Variants in NPHP3 observed in about 807,000 individuals in gnomAD.
NPHP3 encodes nephrocystin-3.
A neutral mutation model predicts 171.9 loss-of-function variants in NPHP3; 123 were observed. That is an observed-to-expected ratio of 0.72 (90% CI 0.62 to 0.83). NPHP3 has a LOEUF of 0.83. Ranked by LOEUF, NPHP3 falls within the 40% of genes least tolerant of loss-of-function variation. The pLI is 0.00. For missense variants in NPHP3, 1,506 were observed against 1,591.9 expected, an observed-to-expected ratio of 0.95 and a Z score of 0.92; for synonymous variants, 558 against 579.2, an observed-to-expected ratio of 0.96 and a Z score of 0.52.
chr3:132,705,009 A>C (rs1939708989), intron 8 of NPHP3, among the ~76,000 whole-genome samples: 1 of 152,068 alleles, frequency 6.6e-6, no homozygotes, highest in South Asian at 2.1e-4. Flanking sequence ...CTTTTTCTCT[A>C]ATAATAAATC....
Position 132,684,559 on chromosome 3 carries a change from T to C in NPHP3, c.3565A>G (p.Lys1189Glu), listed in dbSNP as rs2107963226. 1.2e-6 allele frequency: 2 copies of C among 1,613,988 alleles called. No homozygotes were observed. The highest frequency in any genetic ancestry group is 2.7e-5 in the African/African-American group (2 of 75,056). The change falls in exon 24 of 27, where the codon AAA becomes GAA. Residue 1189 changes from lysine to glutamate, a missense_variant. Lys to Glu is a moderately conservative substitution (Grantham distance 56). Coordinates refer to ENST00000337331, the MANE Select transcript of NPHP3 (RefSeq NM_153240.5). ...GAATGTCAAAGCTTACTTACCATTT[T>C]CTTATACAAGATGGCAAGATGCTTC... ...TVKHLAILYK[K>E]MGKLDKAVPL... is the part of the protein sequence containing the mutation.
chr3:132,709,781 A>C (rs1939860822), intron 6 of NPHP3, among the ~76,000 whole-genome samples: 1 of 152,188 alleles, frequency 6.6e-6, no homozygotes, highest in Non-Finnish European at 1.5e-5. Flanking sequence ...ATTAAGAAAC[A>C]TTCTGTTGTA....
chr3:132,689,217 C>G lies in NPHP3; in HGVS notation c.2740G>C (p.Asp914His). 6.2e-7 allele frequency: 1 copy of G among 1,614,148 alleles called. No homozygotes were observed. Among genetic ancestry groups the G allele is most frequent in the South Asian group, 1.1e-5 (1 of 91,088 alleles). Residue 914 changes from aspartate to histidine, a missense_variant, in exon 20 of 27, where the codon GAC becomes CAC. By Grantham distance (81) the Asp-to-His change is moderately conservative. Around this residue, in one of 3 missense-constraint regions of NPHP3, gnomAD observed 569 missense variants for 648.1 expected, o/e 0.88. Coordinates refer to ENST00000337331, the MANE Select transcript of NPHP3 (RefSeq NM_153240.5). ...LLSYWQFVGK[D>H]KSAMATEYFD... is the part of the protein sequence containing the mutation. ...TATTCTGTTGCCATTGCACTTTTGTCTTTGCCAACAAACTGCCAATAACTC... is the reference window on the plus strand; with the variant it reads ...TATTCTGTTGCCATTGCACTTTTGTGTTTGCCAACAAACTGCCAATAACTC...
chr3:132,712,844 A>C (rs1939951625), intron 6 of NPHP3, among the ~76,000 whole-genome samples: 1 of 152,134 alleles, frequency 6.6e-6, no homozygotes, highest in Admixed American at 6.5e-5. Context: ...TATTTACAAA[A>C]GCAAACTCCT....
chr3:132,718,065 T>A (rs202160925), intron 3 of NPHP3: 2 of 450,652 alleles, frequency 4.4e-6, no homozygotes, highest in Non-Finnish European at 8.9e-6. Context: ...TCATTTTTTT[T>A]CCTTAAAAGT....
At chr3:132,702,858 A>C (rs149642028) in intron 9 of NPHP3, among the ~76,000 whole-genome samples, 1 of 152,200 alleles carries the variant, frequency 6.6e-6, no homozygotes, top group Non-Finnish European at 1.5e-5. Context: ...AACTTAGTTC[A>C]TGGTCCCACA....
Position 132,697,354 on chromosome 3 carries a change from G to C in NPHP3, c.1994C>G (p.Pro665Arg). 6.2e-7 allele frequency: 1 copy of C among 1,605,414 alleles called. No homozygotes were observed. Among genetic ancestry groups the C allele is most frequent in the East Asian group, 2.2e-5 (1 of 44,736 alleles). ...ACTTAAGGGATCAAGATGAAGTGTAGGCCACAACCTTTTATGTAAAGAAAA... is the reference window on the plus strand; with the variant it reads ...ACTTAAGGGATCAAGATGAAGTGTACGCCACAACCTTTTATGTAAAGAAAA... ...ETCPPAWRLW[P>R]TLHLDPLSPK... Residue 665 changes from proline to arginine, a missense_variant, in exon 14 of 27, where the codon CCT becomes CGT. This residue lies in a region of NPHP3 where 930 missense variants were observed against 924.9 expected (regional missense o/e 1.01). Transcript: ENST00000337331.
At position 132,681,612 on chromosome 3, in the gene NPHP3, A is replaced by G; in HGVS notation, c.*298T>C. On this transcript the variant is annotated 3_prime_UTR_variant, in exon 27 of 27. Coordinates refer to ENST00000337331, the MANE Select transcript of NPHP3 (RefSeq NM_153240.5). Reference sequence around the variant, plus strand: ...AACTCCTTGTCTTAACTACTCTGCCAGCTCTTGTTGAACAAAGACCAATCC... The same window carrying G: ...AACTCCTTGTCTTAACTACTCTGCCGGCTCTTGTTGAACAAAGACCAATCC... 1 of 358,802 alleles carries G rather than the reference A, an allele frequency of 2.8e-6. No homozygotes were observed. Among genetic ancestry groups the G allele is most frequent in the Non-Finnish European group, 5.3e-6 (1 of 188,822 alleles). 22.2% of individuals were successfully genotyped at this position (358,802 alleles called of 1,614,324 possible). A position where few individuals can be genotyped will look rare whatever the true frequency, so the allele number is the denominator to read the frequency against.
chr3:132,722,172 G>A lies in NPHP3; in HGVS notation c.184C>T (p.Arg62Cys), dbSNP rs1940250530. Residue 62 changes from arginine to cysteine, a missense_variant, in exon 1 of 27, where the codon CGC (arginine) becomes TGC (cysteine). Physicochemically the swap from Arg to Cys is radical, Grantham distance 180 (BLOSUM62 -3). Around this residue, in one of 3 missense-constraint regions of NPHP3, gnomAD observed 930 missense variants for 924.9 expected, o/e 1.01. Coordinates refer to ENST00000337331, the MANE Select transcript of NPHP3 (RefSeq NM_153240.5). The stretch of plus-strand genomic sequence containing the variant: ...AGCAGCCCGCCCGCGCCCACCCCGC[G>A]GGGCAGCGACCCGGGCCCGGCCCCT... Reference protein sequence around the residue: ...AAGAGPGSLPRGVGAGGLLGA... With the variant: ...AAGAGPGSLPCGVGAGGLLGA... 1 of 1,560,784 alleles carries A rather than the reference G, an allele frequency of 6.4e-7. No individual in the cohort carries two copies. Among genetic ancestry groups the A allele is most frequent in the Non-Finnish European group, 8.6e-7 (1 of 1,161,358 alleles).
intron 25 of NPHP3, 28 bp from the exon 26 acceptor site, chr3:132,682,846 G>T: frequency 1.5e-6 from 2 of 1,367,794 alleles, no homozygotes; most frequent in Non-Finnish European, 2.1e-6. Flanking sequence ...TAATGCTCAT[G>T]CACACTGGGT....
chr3:132,705,222 A>G (rs1939715174), intron 8 of NPHP3, among the ~76,000 whole-genome samples: 1 of 152,146 alleles, frequency 6.6e-6, no homozygotes, highest in Non-Finnish European at 1.5e-5. Context: ...AAACATAGAC[A>G]TAATATCAGG....
intron 9 of NPHP3, among the ~76,000 whole-genome samples, chr3:132,703,813 T>G (rs968708457): frequency 6.6e-6 from 1 of 152,180 alleles, no homozygotes; most frequent in African/African-American, 2.4e-5. Context: ...CTCCTGGGCT[T>G]AAAGCAATCT....
In NPHP3 at chr3:132,708,173, T is replaced by G; in HGVS notation, c.1203A>C (p.Gly401=). 6.2e-7 allele frequency: 1 copy of G among 1,614,192 alleles called. No individual in the cohort carries two copies. Among genetic ancestry groups the G allele is most frequent in the Non-Finnish European group, 8.5e-7 (1 of 1,179,990 alleles). The part of the protein sequence containing the change: ...PRLIFHRLED[G]KVSSDSVQQL... ...GCTGGACAGAGTCAGAACTGACTTT[T>G]CCATCTTCCAAACGATGAAAGATTA... Residue 401 remains glycine (G), a synonymous_variant, in exon 7 of 27, where the codon GGA becomes GGC. Coordinates refer to ENST00000337331, the MANE Select transcript of NPHP3 (RefSeq NM_153240.5).
chr3:132,692,625 A>G (rs760206529), intron 17 of NPHP3, 29 bp downstream of exon 17: 1 of 1,603,330 alleles, frequency 6.2e-7, no homozygotes, highest in Admixed American at 1.7e-5. Context: ...TTAAATAAAT[A>G]AATAAAAAGA....
rs758148597 is a variant in NPHP3 at position 132,688,684 on chromosome 3, C to T, written c.3091G>A (p.Glu1031Lys). 9.9e-6 allele frequency: 16 copies of T among 1,614,004 alleles called. 1 individual carries two copies. The South Asian group carries it at 1.5e-4, about 16-fold the overall frequency. The change falls in exon 21 of 27, where the codon GAA becomes AAA. Residue 1031 changes from glutamate to lysine, a missense_variant. By Grantham distance (56) the Glu-to-Lys change is moderately conservative. This residue lies in a region of NPHP3 where 569 missense variants were observed against 648.1 expected (regional missense o/e 0.88). Transcript: ENST00000337331. ...TTCTGGTACAAAGTTGCAAGTGCTT[C>T]AAGTTCACGAGCAGTATATGGATGG... ...ADHPYTAREL[E>K]ALATLYQKQN...
intron 21 of NPHP3, 91 bp downstream of exon 21, chr3:132,688,559 C>T: frequency 1.5e-6 from 2 of 1,369,224 alleles, no homozygotes; most frequent in Non-Finnish European, 2.1e-6. Context: ...AGGAAAAGTA[C>T]ACAGTGATAA....
chr3:132,692,608 C>A, intron 17 of NPHP3, 46 bp downstream of exon 17: 1 of 1,559,472 alleles, frequency 6.4e-7, no homozygotes, highest in Non-Finnish European at 8.8e-7. Context: ...AGAGAAGACC[C>A]TGTTTCTTAA....
chr3:132,720,023 G>A (rs1021754297), intron 1 of NPHP3, among the ~76,000 whole-genome samples, 193 bp from the exon 2 acceptor site: 6 of 152,070 alleles, frequency 3.9e-5, no homozygotes, highest in Non-Finnish European at 7.4e-5. Context: ...CCGCAACCAT[G>A]CTTGAACTAC....
At chr3:132,683,068 A>T (rs1224831554) in intron 25 of NPHP3, among the ~76,000 whole-genome samples, 1 of 152,150 alleles carries the variant, frequency 6.6e-6, no homozygotes, top group Non-Finnish European at 1.5e-5. Context: ...CTGTTCCTTT[A>T]TTGCCCAATG....
Sources: gnomAD v4.1 joint callset for allele counts (sites outside exome capture counted in the v4.1 genomes callset) on GRCh38, gnomAD v4.1.1 for gene constraint, gnomAD v4.1.1 regional missense constraint, MANE v1.5 for transcripts, NCBI Gene and HGNC (gene_info 2026-07-23, HGNC 2026-07-21) for gene names.